ASXL2: variants seen among roughly 807,000 people sequenced by gnomAD.
The protein encoded by ASXL2 is putative Polycomb group protein ASXL2.
ASXL2 carries 23 observed loss-of-function variants against 122.0 expected under a neutral mutation model. The ratio of observed to expected loss-of-function variants is 0.19; its 90% confidence interval spans 0.14 to 0.27. The LOEUF (loss-of-function observed/expected upper bound fraction) is 0.27. Among genes scored for constraint, ASXL2 ranks in the 10% least tolerant of loss-of-function variants. The pLI, the probability that ASXL2 is intolerant of heterozygous loss-of-function variation, is 1.00. For missense variants in ASXL2, 1,518 were observed against 1,713.8 expected, an observed-to-expected ratio of 0.89 and a Z score of 2.02; for synonymous variants, 650 against 637.0, an observed-to-expected ratio of 1.02 and a Z score of -0.31.
intron 8 of ASXL2, among the ~76,000 whole-genome samples, chr2:25,763,601 G>C (rs1336599482): frequency 1.3e-5 from 2 of 152,164 alleles, no homozygotes; most frequent in South Asian, 4.1e-4. Context: ...GTCAAAAAAA[G>C]GAGGTCTCAG....
At position 25,771,450 on chromosome 2, in the gene ASXL2, G is replaced by A. The variant is rs899086620; in HGVS notation, c.494C>T (p.Ala165Val). The A allele has an allele frequency of 2.5e-6, 4 of 1,612,268 alleles. No individual in the cohort carries two copies. In the Admixed American group the frequency reaches 6.7e-5, roughly 27 times the overall value. The change falls in exon 6 of 13, where the codon GCA becomes GTA. Residue 165 changes from alanine (A) to valine (V), a missense_variant. Ala to Val is a moderately conservative substitution (Grantham distance 64). Around this residue, in one of 8 missense-constraint regions of ASXL2, gnomAD observed 198 missense variants for 209.0 expected, o/e 0.95. Transcript: ENST00000435504. The stretch of plus-strand genomic sequence containing the variant: ...ACTAGCAATGCTTACCTGCTTTAGT[G>A]CCTTCTTGCTGTGCTTCTGTGATGG... ...ISPSQKHSKK[A>V]LKQALKQQQQ...
intron 2 of ASXL2, among the ~76,000 whole-genome samples, chr2:25,844,026 G>A (rs978072815): frequency 6.6e-5 from 10 of 151,974 alleles, no homozygotes; most frequent in African/African-American, 2.4e-4. Context: ...TAGCATTCCT[G>A]TTACCTGCCC....
intron 1 of ASXL2, among the ~76,000 whole-genome samples, chr2:25,858,455 T>G (rs2089805927): frequency 6.6e-6 from 1 of 151,828 alleles, no homozygotes; most frequent in Non-Finnish European, 1.5e-5. Flanking sequence ...ACAGGCACAA[T>G]GGCTCACGCC....
chr2:25,858,343 C>A (rs546120638), intron 1 of ASXL2, among the ~76,000 whole-genome samples: 1 of 152,024 alleles, frequency 6.6e-6, no homozygotes, highest in African/African-American at 2.4e-5. Context: ...CCATCACAAA[C>A]CGGGTATATT....
At position 25,743,155 on chromosome 2, in the gene ASXL2, G is replaced by C. The variant is rs747949212; in HGVS notation, c.3182C>G (p.Ala1061Gly). The C allele has an allele frequency of 2.5e-6, 4 of 1,613,896 alleles. No individual in the cohort carries two copies. The African/African-American group carries it at 5.3e-5, about 22-fold the overall frequency. The change falls in exon 13 of 13, where the codon GCA (alanine) becomes GGA (glycine). Residue 1061 changes from alanine (A) to glycine (G), a missense_variant. Physicochemically the swap from Ala to Gly is moderately conservative, Grantham distance 60. Transcript: ENST00000435504. ...AGTCTGAAGGATCTGATCTTGGGTT[G>C]CTTTACTTAGTCCTTCGTGGTATTG... ...THQYHEGLSK[A>G]TQDQILQTLI...
chr2:25,863,288 C>CCA (rs2089861082), intron 1 of ASXL2, among the ~76,000 whole-genome samples: 2 of 151,348 alleles, frequency 1.3e-5, no homozygotes, highest in African/African-American at 4.9e-5. Context: ...CAAGATCGCG[C>CCA]CACTGCACTC....
intron 3 of ASXL2, among the ~76,000 whole-genome samples, chr2:25,824,394 G>A (rs1181297601): frequency 6.6e-6 from 1 of 152,062 alleles, no homozygotes; most frequent in Non-Finnish European, 1.5e-5. Context: ...TAAGAAAGAA[G>A]TACTCATTCT....
At position 25,742,654 on chromosome 2, in the gene ASXL2, C is replaced by A; in HGVS notation, c.3683G>T (p.Ser1228Ile). The change falls in exon 13 of 13, where the codon AGC becomes ATC. Residue 1228 changes from serine to isoleucine, a missense_variant. Ser to Ile is a moderately radical substitution (Grantham distance 142). Transcript: ENST00000435504. The stretch of plus-strand genomic sequence containing the variant: ...TGGTATCTCAGCCTTCACATTCTTG[C>A]TAGCTAAGCAATCACTGGTAGATAG... ...ETLSTSDCLASKNVKAEIPLN... is the reference protein window; with the variant it reads ...ETLSTSDCLAIKNVKAEIPLN... 6.2e-7 allele frequency: 1 copy of A among 1,613,994 alleles called. No homozygotes were observed. The highest frequency in any genetic ancestry group is 8.5e-7 in the Non-Finnish European group (1 of 1,179,898).
At chr2:25,767,552 T>C in intron 8 of ASXL2, 31 bp downstream of exon 8, 1 of 1,598,346 alleles carries the variant, frequency 6.3e-7, no homozygotes, top group Non-Finnish European at 8.5e-7. Context: ...ATCATGGCAA[T>C]GAAAACTGAA....
chr2:25,780,834 T>C (rs2088622229), intron 5 of ASXL2, among the ~76,000 whole-genome samples: 1 of 152,124 alleles, frequency 6.6e-6, no homozygotes, highest in Non-Finnish European at 1.5e-5. Context: ...ATGCCTGTAG[T>C]CCCAGCACTT....
chr2:25,865,418 C>A (rs1179612483), intron 1 of ASXL2, among the ~76,000 whole-genome samples: 1 of 150,724 alleles, frequency 6.6e-6, no homozygotes, highest in African/African-American at 2.5e-5. Context: ...GATGACAGAG[C>A]GAGACTCTGT....
intron 5 of ASXL2, among the ~76,000 whole-genome samples, chr2:25,790,330 G>T (rs1405924999): frequency 1.4e-5 from 2 of 139,466 alleles, no homozygotes; most frequent in Admixed American, 7.3e-5. Flanking sequence ...GTGGGGGTGG[G>T]GGGGGTGTGA....
chr2:25,862,240 G>C (rs550977190), intron 1 of ASXL2, among the ~76,000 whole-genome samples: 8 of 152,178 alleles, frequency 5.3e-5, no homozygotes, highest in Non-Finnish European at 1.0e-4. Context: ...CAAAATGTTT[G>C]ATTGGATATA....
At chr2:25,811,979 C>T (rs1323321110) in intron 3 of ASXL2, among the ~76,000 whole-genome samples, 1 of 151,866 alleles carries the variant, frequency 6.6e-6, no homozygotes, top group Non-Finnish European at 1.5e-5. Context: ...TGAACTCCTC[C>T]TGACCTCAAG....
At chr2:25,809,894 A>C in intron 3 of ASXL2, 2 of 505,604 alleles carry the variant, frequency 4.0e-6, no homozygotes, top group Non-Finnish European at 7.9e-6. Context: ...GGTCAGAGGG[A>C]GGAGCAGCAG....
At chr2:25,876,090 A>T (rs1176299500) in intron 1 of ASXL2, among the ~76,000 whole-genome samples, 1 of 152,106 alleles carries the variant, frequency 6.6e-6, no homozygotes, top group Non-Finnish European at 1.5e-5. Context: ...TACTAGAAAA[A>T]CTTTAGTGTC....
At chr2:25,836,426 T>A (rs776913158) in intron 2 of ASXL2, among the ~76,000 whole-genome samples, 1 of 152,140 alleles carries the variant, frequency 6.6e-6, no homozygotes, top group African/African-American at 2.4e-5. Flanking sequence ...TGCTGAAAAG[T>A]AGTAGAGAAT....
chr2:25,792,212 G>C (rs1220682823), intron 5 of ASXL2, among the ~76,000 whole-genome samples: 3 of 152,102 alleles, frequency 2.0e-5, no homozygotes, highest in African/African-American at 7.2e-5. Context: ...ATATTGCCCA[G>C]GCTGGCCTCA....
At chr2:25,809,295 TG>T (rs1443048681) in intron 3 of ASXL2, among the ~76,000 whole-genome samples, 1 of 116,758 alleles carries the variant, frequency 8.6e-6, no homozygotes, top group Non-Finnish European at 1.9e-5. Context: ...TCACTTCTAA[TG>T]AAAAAAAAAA....
Sources: gnomAD v4.1 joint callset for allele counts (sites outside exome capture counted in the v4.1 genomes callset) on GRCh38, gnomAD v4.1.1 for gene constraint, gnomAD v4.1.1 regional missense constraint, MANE v1.5 for transcripts, NCBI Gene and HGNC (gene_info 2026-07-23, HGNC 2026-07-21) for gene names.